Variants in DOCK2 observed in about 807,000 individuals in gnomAD.
The protein encoded by DOCK2 is dedicator of cytokinesis 2.
Under a neutral mutation model 248.9 loss-of-function variants are expected in DOCK2, and 87 were observed. That is an observed-to-expected ratio of 0.35 (90% CI 0.29 to 0.42). DOCK2 has a LOEUF of 0.42. Among genes scored for constraint, DOCK2 ranks in the 10% least tolerant of loss-of-function variants. DOCK2 has a pLI of 1.00. For missense variants in DOCK2, 1,747 were observed against 2,300.2 expected, an observed-to-expected ratio of 0.76 and a Z score of 4.92; for synonymous variants, 805 against 821.6, an observed-to-expected ratio of 0.98 and a Z score of 0.35.
At chr5:170,076,223 A>C in intron 47 of DOCK2, 139 bp downstream of exon 47, 1 of 1,315,074 alleles carries the variant, frequency 7.6e-7, no homozygotes, top group African/African-American at 1.5e-5. Context: ...GCATTGCTGG[A>C]TCCCATCCAG....
rs76987645 is a variant in DOCK2 at position 169,872,717 on chromosome 5, T to C, written c.2799+31865T>C. Among the ~76,000 whole-genome samples the C allele has an allele frequency of 5.3e-3, 805 of 152,252 alleles. 9 individuals are homozygous for C. Among genetic ancestry groups the C allele is most frequent in the African/African-American group, 0.019 (782 of 41,530 alleles). ...ATCTCCGAGAAAGTTAACACACTTA[T>C]TCACTGACGATGCAAGGTCACAAGG... is the stretch of plus-strand genomic sequence containing the variant. On this transcript the variant is annotated intron_variant, in intron 27 of 51. Transcript: ENST00000520908.
intron 27 of DOCK2, among the ~76,000 whole-genome samples, chr5:169,936,067 G>C (rs1775979452): frequency 6.6e-6 from 1 of 152,112 alleles, no homozygotes; most frequent in South Asian, 2.1e-4. Context: ...TGTTTCCTAA[G>C]TATTTTTGCC....
At chr5:169,707,447 TG>T (rs1244088693) in intron 14 of DOCK2, among the ~76,000 whole-genome samples, 1 of 152,228 alleles carries the variant, frequency 6.6e-6, no homozygotes, top group East Asian at 1.9e-4. Context: ...GTCCTTCCTC[TG>T]TGCCCAACAG....
intron 27 of DOCK2, among the ~76,000 whole-genome samples, chr5:169,947,093 A>G (rs560743106): frequency 6.6e-6 from 1 of 152,206 alleles, no homozygotes; most frequent in African/African-American, 2.4e-5. Flanking sequence ...TTTACACAAC[A>G]CTATGACTCC....
chr5:169,974,313 A>C (rs1358933468), intron 27 of DOCK2, among the ~76,000 whole-genome samples: 1 of 152,250 alleles, frequency 6.6e-6, no homozygotes, highest in Non-Finnish European at 1.5e-5. Context: ...TATTACGATC[A>C]TCAGTGTACT....
intron 51 of DOCK2, 86 bp downstream of exon 51, chr5:170,082,070 G>T: frequency 1.9e-6 from 3 of 1,547,992 alleles, no homozygotes; most frequent in East Asian, 4.5e-5. Flanking sequence ...ATGGGGGGTT[G>T]TGTGTGCATA....
At position 169,972,630 on chromosome 5, in the gene DOCK2, G is replaced by A. The variant is rs546349048; in HGVS notation, c.2800-10438G>A. On this transcript the variant is annotated intron_variant, in intron 27 of 51. Transcript: ENST00000520908. ...TAGATAGATAGATAGATAGATAGAT[G>A]ATAGGTGGATAAAATCTCCCCTGTT... Among the ~76,000 whole-genome samples, 8 of 143,068 alleles carry A rather than the reference G, an allele frequency of 5.6e-5. No individual in the cohort carries two copies. In the South Asian group the frequency reaches 1.4e-3, roughly 24 times the overall value. 93.9% of individuals were successfully genotyped at this position (143,068 alleles called of 152,430 possible). A position where few individuals can be genotyped will look rare whatever the true frequency, so the allele number is the denominator to read the frequency against.
At chr5:169,904,570 C>T (rs1223723355) in intron 27 of DOCK2, among the ~76,000 whole-genome samples, 4 of 152,062 alleles carry the variant, frequency 2.6e-5, no homozygotes, top group Non-Finnish European at 5.9e-5. Context: ...TGCTGGCGAC[C>T]TCAGCAGCAC....
chr5:169,648,023 ACT>A (rs1394679992), intron 1 of DOCK2, among the ~76,000 whole-genome samples: 1 of 151,244 alleles, frequency 6.6e-6, no homozygotes, highest in Admixed American at 6.6e-5. Flanking sequence ...TTCACCATAA[ACT>A]CTCTTCCAAC....
At chr5:169,840,879 A>AC in intron 27 of DOCK2, 27 bp downstream of exon 27, 2 of 1,609,818 alleles carry the variant, frequency 1.2e-6, no homozygotes, top group Non-Finnish European at 1.7e-6. Context: ...TTCTTGTCAA[A>AC]TGTTGCAAGC....
rs138714953 is a variant in DOCK2, at chr5:169,994,819, A to G, written c.2994-1267A>G. 6.9e-3 allele frequency among the ~76,000 whole-genome samples: 1,046 copies of G among 152,300 alleles called. 10 individuals are homozygous for G. Among genetic ancestry groups the G allele is most frequent in the Middle Eastern group, 0.041 (12 of 294 alleles). Reference sequence around the variant, plus strand: ...CTCACCCTGTAGGCAGTGGAGAGCCATGAAGTCAATGATTGATATGATGGA... The same window carrying G: ...CTCACCCTGTAGGCAGTGGAGAGCCGTGAAGTCAATGATTGATATGATGGA... On this transcript the variant is annotated intron_variant, in intron 29 of 51. Transcript: ENST00000520908.
intron 27 of DOCK2, among the ~76,000 whole-genome samples, chr5:169,858,704 T>A (rs377742469): frequency 6.6e-6 from 1 of 152,080 alleles, no homozygotes; most frequent in Non-Finnish European, 1.5e-5. Flanking sequence ...GAGAAGATAT[T>A]TGAGAAGTGA....
At chr5:169,857,048 G>A in intron 27 of DOCK2, among the ~76,000 whole-genome samples, 1 of 152,138 alleles carries the variant, frequency 6.6e-6, no homozygotes, top group East Asian at 1.9e-4. Flanking sequence ...ATCTTTTGGT[G>A]CGATTTTACT....
At chr5:169,968,528 G>T (rs926804440) in intron 27 of DOCK2, among the ~76,000 whole-genome samples, 4 of 152,154 alleles carry the variant, frequency 2.6e-5, no homozygotes, top group African/African-American at 7.2e-5. Context: ...TGTTCAGGGG[G>T]CCCAAGTGTT....
intron 23 of DOCK2, 106 bp downstream of exon 23, chr5:169,747,610 G>C (rs937342365): frequency 4.2e-5 from 42 of 990,186 alleles, no homozygotes; most frequent in Non-Finnish European, 5.6e-5. Context: ...CTTGTATCCA[G>C]TGAAGGCCTG....
intron 27 of DOCK2, among the ~76,000 whole-genome samples, chr5:169,912,207 G>A (rs1774634866): frequency 6.6e-6 from 1 of 151,994 alleles, no homozygotes; most frequent in South Asian, 2.1e-4. Context: ...TTATAGGCCA[G>A]GCTTTTATTT....
intron 30 of DOCK2, among the ~76,000 whole-genome samples, chr5:169,999,861 G>A (rs995380510): frequency 1.3e-5 from 2 of 152,194 alleles, no homozygotes; most frequent in African/African-American, 4.8e-5. Context: ...ACTGACCAGA[G>A]GAGCAGCAGG....
intron 44 of DOCK2, among the ~76,000 whole-genome samples, chr5:170,058,325 A>G (rs957152951): frequency 6.6e-6 from 1 of 152,186 alleles, no homozygotes; most frequent in Non-Finnish European, 1.5e-5. Flanking sequence ...TGTACCTAAC[A>G]TGTTAGGCAC....
intron 26 of DOCK2, among the ~76,000 whole-genome samples, chr5:169,808,381 G>A (rs555831823): frequency 4.6e-5 from 7 of 152,262 alleles, no homozygotes; most frequent in African/African-American, 1.7e-4. Flanking sequence ...TTACAGCCCA[G>A]AGCAGCAAGC....
Sources: allele counts gnomAD v4.1 joint callset (sites outside exome capture counted in the v4.1 genomes callset), GRCh38; gene constraint gnomAD v4.1.1; transcripts MANE v1.5; gene names NCBI Gene and HGNC (gene_info 2026-07-23, HGNC 2026-07-21).